ERCC6L2: variants seen among roughly 807,000 people sequenced by gnomAD.
The protein encoded by ERCC6L2 is DNA excision repair protein ERCC-6-like 2.
A neutral mutation model predicts 132.0 loss-of-function variants in ERCC6L2; 77 were observed. The ratio of observed to expected loss-of-function variants is 0.58; its 90% CI spans 0.49 to 0.71. The LOEUF is 0.71. Ranked by LOEUF, ERCC6L2 falls within the 30% of genes least tolerant of loss-of-function variation. The probability of loss-of-function intolerance (pLI) is 0.00; values close to 1 mark genes in which losing one functional copy is unlikely to be tolerated. For missense variants in ERCC6L2, 1,542 were observed against 1,837.6 expected (o/e 0.84, Z 2.94); for synonymous variants, 583 against 632.4 (o/e 0.92, Z 1.17).
intron 6 of ERCC6L2, chr9:95,918,722 A>G: frequency 5.4e-6 from 1 of 185,884 alleles, no homozygotes; most frequent in Non-Finnish European, 1.1e-5. Flanking sequence ...AAATGTGACC[A>G]TCAGTTAGAG....
Position 95,880,422 on chromosome 9 carries a change from A to G in ERCC6L2, c.47-447A>G, listed in dbSNP as rs562245240. On this transcript the variant is annotated intron_variant, in intron 1 of 18. Transcript: ENST00000653738. ...CGATTACTCTACCATATCATGAAAT[A>G]TATGTATATATATATGTTCATGAGT... 1.3e-3 allele frequency among the ~76,000 whole-genome samples: 200 copies of G among 152,340 alleles called. 1 individual carries two copies. The highest frequency in any genetic ancestry group is 4.4e-3 in the African/African-American group (181 of 41,594).
intron 19 of ERCC6L2, among the ~76,000 whole-genome samples, chr9:96,033,513 C>CT (rs1175765345): frequency 1.3e-5 from 2 of 152,190 alleles, no homozygotes; most frequent in Non-Finnish European, 2.9e-5. Context: ...TCCCAAAGTG[C>CT]TGGGATAACA....
At position 95,915,686 on chromosome 9, in the gene ERCC6L2, C is replaced by T. The variant is rs1272415536; in HGVS notation, c.807C>T (p.Val269=). 1 of 1,612,748 alleles carries T rather than the reference C, an allele frequency of 6.2e-7. No individual in the cohort carries two copies. Among genetic ancestry groups the T allele is most frequent in the South Asian group, 1.1e-5 (1 of 90,808 alleles). ...TTTATAGTTTGGAATGGTCAGCTGT[C>T]ATTGTGGATGAAGCTCATAGAATCA... is the stretch of plus-strand genomic sequence containing the variant. ...DELNSLEWSA[V]IVDEAHRIKN... Residue 269 remains valine, a synonymous_variant, in exon 5 of 19, where the codon GTC becomes GTT. Transcript: ENST00000653738.
Position 95,928,784 on chromosome 9 carries a change from T to G in ERCC6L2, c.1671T>G (p.Ser557Arg). The G allele has an allele frequency of 6.2e-7, 1 of 1,613,314 alleles. No homozygotes were observed. Among genetic ancestry groups the G allele is most frequent in the Non-Finnish European group, 8.5e-7 (1 of 1,179,580 alleles). Residue 557 changes from serine to arginine, a missense_variant, in exon 11 of 19, where the codon AGT (serine) becomes AGG (arginine). Ser to Arg is a moderately radical substitution (Grantham distance 110, BLOSUM62 -1). Transcript: ENST00000653738. ...SGLDYRRLDG[S>R]TKSEERLKIV... The stretch of plus-strand genomic sequence containing the variant: ...TTGATTACCGACGACTTGATGGAAG[T>G]ACAAAATCAGAGGAAAGACTCAAGA...
intron 6 of ERCC6L2, among the ~76,000 whole-genome samples, chr9:95,917,546 A>C (rs1256628454): frequency 6.6e-6 from 1 of 152,234 alleles, no homozygotes; most frequent in African/African-American, 2.4e-5. Flanking sequence ...ATATTTATCT[A>C]AAGCAAATAT....
intron 11 of ERCC6L2, among the ~76,000 whole-genome samples, chr9:95,932,441 G>A (rs535461795): frequency 4.6e-5 from 7 of 152,176 alleles, no homozygotes; most frequent in Non-Finnish European, 8.8e-5. Flanking sequence ...TAGAACATCA[G>A]TGTGTTAAAC....
intron 19 of ERCC6L2, among the ~76,000 whole-genome samples, chr9:96,031,467 C>A (rs1486012589): frequency 1.3e-5 from 2 of 152,222 alleles, no homozygotes; most frequent in African/African-American, 2.4e-5. Context: ...GCCACTGGTG[C>A]TCAGCCAGAA....
chr9:95,971,401 AT>A (rs1249702669), intron 15 of ERCC6L2: 1 of 152,194 alleles, frequency 6.6e-6, no homozygotes, highest in Non-Finnish European at 1.5e-5. Flanking sequence ...TACATATTGA[AT>A]TTAAATTTGT....
intron 19 of ERCC6L2, among the ~76,000 whole-genome samples, chr9:96,032,491 A>T (rs1371691610): frequency 1.3e-5 from 2 of 152,106 alleles, no homozygotes. Context: ...CTTTGCCTCG[A>T]TCCAGAGTTT....
intron 12 of ERCC6L2, 150 bp downstream of exon 12, chr9:95,941,699 A>G (rs1830810746): frequency 1.6e-6 from 1 of 607,804 alleles, no homozygotes; most frequent in Non-Finnish European, 2.8e-6. Context: ...TGACCTTCTC[A>G]ATCCAAATAA....
At chr9:95,963,432 A>G (rs959269045) in intron 13 of ERCC6L2, among the ~76,000 whole-genome samples, 1 of 152,044 alleles carries the variant, frequency 6.6e-6, no homozygotes, top group Non-Finnish European at 1.5e-5. Context: ...TATTTCCCCA[A>G]AAGAAGTACA....
At position 95,932,668 on chromosome 9, in the gene ERCC6L2, C is replaced by T. The variant is rs541191816; in HGVS notation, c.1751+3804C>T. Among the ~76,000 whole-genome samples, 7 of 152,138 alleles carry T rather than the reference C, an allele frequency of 4.6e-5. No individual in the cohort carries two copies. In the South Asian group the frequency reaches 8.3e-4, roughly 18 times the overall value. ...AGAAGCATTGTTCAAATGGATACTT[C>T]GTTTGACCTTTTATAATACTTAATA... On this transcript the variant is annotated intron_variant, in intron 11 of 18. Transcript: ENST00000653738.
chr9:95,931,475 T>C (rs565405979), intron 11 of ERCC6L2, among the ~76,000 whole-genome samples: 13 of 152,320 alleles, frequency 8.5e-5, no homozygotes, highest in African/African-American at 3.1e-4. Context: ...CCCTTTGTTT[T>C]CCTAGGAAAT....
At chr9:95,901,479 G>C (rs980617648) in intron 3 of ERCC6L2, among the ~76,000 whole-genome samples, 3 of 152,020 alleles carry the variant, frequency 2.0e-5, no homozygotes, top group Non-Finnish European at 4.4e-5. Context: ...AAATTACTTG[G>C]CCATTATTTT....
At chr9:95,953,129 C>G (rs1468197058) in intron 12 of ERCC6L2, among the ~76,000 whole-genome samples, 1 of 152,118 alleles carries the variant, frequency 6.6e-6, no homozygotes, top group Non-Finnish European at 1.5e-5. Context: ...TGGAAAGTGC[C>G]TGTAGCTATA....
Position 95,886,427 on chromosome 9 carries a change from C to T in ERCC6L2, c.471+5134C>T, listed in dbSNP as rs528389607. 5.3e-5 allele frequency among the ~76,000 whole-genome samples: 8 copies of T among 152,186 alleles called. No homozygotes were observed. In the East Asian group the frequency reaches 9.7e-4, roughly 18 times the overall value. On this transcript the variant is annotated intron_variant, in intron 2 of 18. Coordinates refer to ENST00000653738, the MANE Select transcript of ERCC6L2 (RefSeq NM_020207.7). ...TTTTGTTCAGCTTTTTAACTTAGTA[C>T]GTAAAACAGGCACAGGAATGACTTC...
intron 3 of ERCC6L2, among the ~76,000 whole-genome samples, chr9:95,899,426 A>T (rs1226462383): frequency 1.3e-5 from 2 of 152,164 alleles, no homozygotes; most frequent in East Asian, 3.9e-4. Context: ...CACTCCAGCC[A>T]GGGCAATAAA....
intron 3 of ERCC6L2, among the ~76,000 whole-genome samples, chr9:95,903,504 A>G (rs187280193): frequency 2.0e-5 from 3 of 151,958 alleles, no homozygotes; most frequent in Admixed American, 1.3e-4. Flanking sequence ...TTCCATTCTT[A>G]TATTTCTTAT....
intron 6 of ERCC6L2, among the ~76,000 whole-genome samples, chr9:95,919,340 A>G (rs1253357899): frequency 1.3e-5 from 2 of 152,214 alleles, no homozygotes; most frequent in Non-Finnish European, 2.9e-5. Context: ...ATATGTTTCT[A>G]TTTTACAAAT....
Sources: gnomAD v4.1 joint callset for allele counts (sites outside exome capture counted in the v4.1 genomes callset) on GRCh38, gnomAD v4.1.1 for gene constraint, MANE v1.5 for transcripts, NCBI Gene and HGNC (gene_info 2026-07-23, HGNC 2026-07-21) for gene names.